WWOX: variants seen among roughly 807,000 people sequenced by gnomAD.
The protein encoded by WWOX is WW domain-containing oxidoreductase.
In WWOX, 69 loss-of-function variants were observed where a neutral mutation model predicts 46.2. That is an observed-to-expected ratio of 1.49 (90% CI 1.23 to 1.82). The LOEUF is 1.82. WWOX is among the 40% of genes most tolerant of loss of function. The probability of loss-of-function intolerance (pLI) is 0.00; values close to 1 mark genes in which losing one functional copy is unlikely to be tolerated. For missense variants in WWOX, 919 were observed against 542.6 expected (o/e 1.69, Z -6.89); for synonymous variants, 359 against 202.6 (o/e 1.77, Z -6.56).
At chr16:78,687,522 C>G (rs77532199) in intron 8 of WWOX, among the ~76,000 whole-genome samples, 2 of 152,110 alleles carry the variant, frequency 1.3e-5, no homozygotes, top group South Asian at 4.1e-4. Context: ...GTGACTCTGC[C>G]TTGCCATTCT....
intron 6 of WWOX, among the ~76,000 whole-genome samples, chr16:78,394,986 G>T (rs1306903477): frequency 6.6e-6 from 1 of 152,176 alleles, no homozygotes; most frequent in Non-Finnish European, 1.5e-5. Context: ...ACAGTGCTTT[G>T]CAGGTTGTTG....
In WWOX at chr16:78,527,991, C is replaced by CTTTTTTTTTTTTTTTTTTTTTTTT. The variant is rs71140808; in HGVS notation, c.1056+95241_1056+95264dup. Among the ~76,000 whole-genome samples, 53 of 34,880 alleles carry CTTTTTTTTTTTTTTTTTTTTTTTT rather than the reference C, an allele frequency of 1.5e-3. 10 individuals are homozygous for CTTTTTTTTTTTTTTTTTTTTTTTT. Among genetic ancestry groups the CTTTTTTTTTTTTTTTTTTTTTTTT allele is most frequent in the East Asian group, 2.9e-3 (3 of 1,024 alleles). The allele number at this position is 34,880 out of a possible 152,430, so 22.9% of individuals were successfully genotyped here. ...CTATGTCACAGGACTGGTACATGTC[C>CTTTTTTTTTTTTTTTTTTTTTTTT]TTTTTTTTTTTTTTTTTTTTTTTTT... On this transcript the variant is annotated intron_variant, in intron 8 of 8. Transcript: ENST00000566780.
chr16:78,336,137 G>A (rs2080883307), intron 5 of WWOX, among the ~76,000 whole-genome samples: 1 of 151,628 alleles, frequency 6.6e-6, no homozygotes, highest in Admixed American at 6.6e-5. Context: ...TGTATAAAAG[G>A]TACCCAGGTG....
Position 78,528,628 on chromosome 16 carries a change from T to C in WWOX, c.1056+95876T>C, listed in dbSNP as rs952572457. Among the ~76,000 whole-genome samples the C allele has an allele frequency of 2.2e-4, 34 of 152,214 alleles. 1 individual carries two copies. The highest frequency in any genetic ancestry group is 8.2e-4 in the African/African-American group (34 of 41,476). ...ACAGTAAACCCATTTATCTCAGGCT[T>C]AATGCTTTCTTGTTTCTTCTAAGCA... On this transcript the variant is annotated intron_variant, in intron 8 of 8. Transcript: ENST00000566780.
intron 8 of WWOX, among the ~76,000 whole-genome samples, chr16:78,567,354 G>A (rs2044595096): frequency 6.6e-6 from 1 of 150,916 alleles, no homozygotes; most frequent in Non-Finnish European, 1.5e-5. Flanking sequence ...GACCATCCTG[G>A]TTAACACCGT....
At chr16:78,360,373 G>A (rs1399189357) in intron 5 of WWOX, among the ~76,000 whole-genome samples, 1 of 152,006 alleles carries the variant, frequency 6.6e-6, no homozygotes, top group Non-Finnish European at 1.5e-5. Flanking sequence ...ATCCCTTGAG[G>A]CCAGGAGTTC....
At chr16:78,892,678 A>C (rs1438315465) in intron 8 of WWOX, among the ~76,000 whole-genome samples, 2 of 152,246 alleles carry the variant, frequency 1.3e-5, no homozygotes, top group Non-Finnish European at 2.9e-5. Context: ...GCATTGGGCT[A>C]GGTGAGGATC....
rs1158864918 is a variant in WWOX, at chr16:79,206,317, A to T, written c.1057-5291A>T. The T allele has an allele frequency of 2.6e-5, 4 of 152,224 alleles. No individual in the cohort carries two copies. In the East Asian group the frequency reaches 5.8e-4, roughly 22 times the overall value. The allele number at this position is 152,224 out of a possible 1,614,324, so 9.4% of individuals were successfully genotyped here. On this transcript the variant is annotated intron_variant, in intron 8 of 8. Coordinates refer to ENST00000566780, the MANE Select transcript of WWOX (RefSeq NM_016373.4). ...AGATGAGGAAATGGGCCACGTGCAA[A>T]TATTTGTGTCACATATTTGGGGAGC...
intron 8 of WWOX, among the ~76,000 whole-genome samples, chr16:78,617,262 C>A (rs768239765): frequency 2.0e-5 from 3 of 151,794 alleles, no homozygotes; most frequent in African/African-American, 4.8e-5. Context: ...ATTAGGTGGG[C>A]GTGGTGGCGT....
intron 8 of WWOX, among the ~76,000 whole-genome samples, chr16:78,993,060 T>G (rs1029414205): frequency 1.3e-5 from 2 of 152,166 alleles, no homozygotes; most frequent in African/African-American, 2.4e-5. Context: ...TTCATATAAA[T>G]GCACATTTTC....
chr16:78,399,205 C>CA (rs1054542146), intron 6 of WWOX, among the ~76,000 whole-genome samples: 5 of 152,088 alleles, frequency 3.3e-5, no homozygotes, highest in South Asian at 2.1e-4. Flanking sequence ...GAGGGAAGAA[C>CA]AAAAATGGAA....
At chr16:78,129,076 A>G (rs911184089) in intron 4 of WWOX, among the ~76,000 whole-genome samples, 1 of 152,170 alleles carries the variant, frequency 6.6e-6, no homozygotes, top group African/African-American at 2.4e-5. Context: ...GGCAAGGGAT[A>G]CCATCCTTTC....
At chr16:78,411,524 G>A (rs1051468898) in intron 6 of WWOX, among the ~76,000 whole-genome samples, 2 of 152,186 alleles carry the variant, frequency 1.3e-5, no homozygotes, top group South Asian at 2.1e-4. Context: ...CACCTGCCTG[G>A]AGCTTAAGGA....
chr16:78,172,283 G>A (rs558441304), intron 5 of WWOX, among the ~76,000 whole-genome samples: 3 of 152,264 alleles, frequency 2.0e-5, no homozygotes, highest in South Asian at 2.1e-4. Flanking sequence ...TCTTTCCTTC[G>A]CCTTCCGTTC....
chr16:78,441,992 C>A (rs2083455631), intron 8 of WWOX, among the ~76,000 whole-genome samples: 1 of 142,368 alleles, frequency 7.0e-6, no homozygotes. Flanking sequence ...GTGTGTGTGG[C>A]TGGGCATGGT....
At chr16:78,590,937 G>A (rs1266377357) in intron 8 of WWOX, among the ~76,000 whole-genome samples, 2 of 152,164 alleles carry the variant, frequency 1.3e-5, no homozygotes, top group East Asian at 1.9e-4. Flanking sequence ...TTCTGCACAC[G>A]TATGGAGGAG....
At chr16:78,327,670 A>G (rs1736702338) in intron 5 of WWOX, among the ~76,000 whole-genome samples, 1 of 152,090 alleles carries the variant, frequency 6.6e-6, no homozygotes, top group East Asian at 1.9e-4. Flanking sequence ...TTAAAGAGTG[A>G]TCTTTGGTTT....
chr16:78,770,240 A>G (rs1233309270), intron 8 of WWOX, among the ~76,000 whole-genome samples: 2 of 152,078 alleles, frequency 1.3e-5, no homozygotes, highest in Non-Finnish European at 2.9e-5. Context: ...AGTTCCAGCT[A>G]CTTGGGAGGC....
chr16:78,858,589 G>A (rs969681502), intron 8 of WWOX, among the ~76,000 whole-genome samples: 18 of 152,042 alleles, frequency 1.2e-4, no homozygotes, highest in South Asian at 2.1e-4. Flanking sequence ...TCACCAGCAC[G>A]GAGTGTGGCT....
Sources: allele counts gnomAD v4.1 joint callset (sites outside exome capture counted in the v4.1 genomes callset), GRCh38; gene constraint gnomAD v4.1.1; transcripts MANE v1.5; gene names NCBI Gene and HGNC (gene_info 2026-07-23, HGNC 2026-07-21).